Variants in EPB41 observed in about 807,000 individuals in gnomAD.
EPB41 encodes erythrocyte membrane protein band 4.1.
Under a neutral mutation model 108.0 loss-of-function variants are expected in EPB41, and 65 were observed. The observed-to-expected ratio is 0.60, with a 90% CI of 0.49 to 0.74. The LOEUF (loss-of-function observed/expected upper bound fraction) is 0.74, where lower values mean the gene tolerates loss of function less well. Ranked by LOEUF, EPB41 falls within the 30% of genes least tolerant of loss-of-function variation. The pLI is 0.00. For missense variants in EPB41, 875 were observed against 1,037.0 expected (o/e 0.84, Z 2.15); for synonymous variants, 336 against 358.9 (o/e 0.94, Z 0.72).
At chr1:29,109,208 A>C in intron 17 of EPB41, 128 bp from the exon 18 acceptor site, 1 of 749,890 alleles carries the variant, frequency 1.3e-6, no homozygotes, top group Non-Finnish European at 2.3e-6. Context: ...CAAAAAAAAA[A>C]AAAGAGGTCA....
At chr1:29,099,384 G>A (rs1008832983) in intron 17 of EPB41, among the ~76,000 whole-genome samples, 1 of 152,008 alleles carries the variant, frequency 6.6e-6, no homozygotes, top group Non-Finnish European at 1.5e-5. Context: ...AAGTGCAGGT[G>A]GCATGATCTT....
Position 29,053,204 on chromosome 1 carries a change from T to TA in EPB41, c.1744dup (p.Thr582AsnfsTer5), listed in dbSNP as rs2150754040. 5 of 1,614,016 alleles carry TA rather than the reference T, an allele frequency of 3.1e-6. No homozygotes were observed. Among genetic ancestry groups the TA allele is most frequent in the Admixed American group, 1.7e-5 (1 of 60,008 alleles). On this transcript the variant is annotated frameshift_variant, in exon 12 of 21. Transcript: ENST00000343067. LOFTEE classifies it high-confidence loss of function. ...AAGGTGGCGTCCTAGATGCCTCTGC[T>TA]AAAAAAACAGTGGTCCCTAAAGCAC...
At chr1:29,093,623 T>G (rs1236439333) in intron 16 of EPB41, among the ~76,000 whole-genome samples, 1 of 152,170 alleles carries the variant, frequency 6.6e-6, no homozygotes, top group Non-Finnish European at 1.5e-5. Flanking sequence ...TTGCCAGTTC[T>G]TAGCTGGGCA....
At chr1:29,084,776 C>T (rs1341002767) in intron 16 of EPB41, among the ~76,000 whole-genome samples, 1 of 152,126 alleles carries the variant, frequency 6.6e-6, no homozygotes, top group Non-Finnish European at 1.5e-5. Flanking sequence ...GATCTTGGTT[C>T]GGGAATATTT....
Position 29,001,174 on chromosome 1 carries a change from A to T in EPB41, c.786+3855A>T, listed in dbSNP as rs533358038. Among the ~76,000 whole-genome samples the T allele has an allele frequency of 2.0e-5, 3 of 152,232 alleles. No homozygotes were observed. In the South Asian group the frequency reaches 6.2e-4, roughly 32 times the overall value. On this transcript the variant is annotated intron_variant, in intron 4 of 20. Coordinates refer to ENST00000343067, the MANE Select transcript of EPB41 (RefSeq NM_001376013.1). ...GTGAAACCACATCTCTACTGAAAAT[A>T]CAAAAATTAGCCAGGCATGGTGGCA...
upstream of EPB41, among the ~76,000 whole-genome samples, chr1:28,910,724 G>A (rs1041734722): frequency 6.6e-6 from 1 of 152,118 alleles, no homozygotes; most frequent in Admixed American, 6.6e-5. Context: ...TGTGGGGAAG[G>A]ATTAAGACCC....
At chr1:29,095,801 A>G (rs1054714495) in intron 16 of EPB41, among the ~76,000 whole-genome samples, 1 of 152,076 alleles carries the variant, frequency 6.6e-6, no homozygotes, top group African/African-American at 2.4e-5. Context: ...ATTTTGATTG[A>G]TGCACAAATT....
chr1:29,108,392 C>T (rs375660731), intron 17 of EPB41, among the ~76,000 whole-genome samples: 12 of 151,846 alleles, frequency 7.9e-5, no homozygotes, highest in African/African-American at 2.4e-4. Context: ...AGGTGATCTG[C>T]CCCCCTCGGT....
At chr1:28,940,896 A>G (rs1172439517) in intron 1 of EPB41, among the ~76,000 whole-genome samples, 3 of 152,192 alleles carry the variant, frequency 2.0e-5, no homozygotes, top group African/African-American at 7.2e-5. Flanking sequence ...AAACGAAAGC[A>G]CTGACATTTA....
At chr1:28,960,021 A>T (rs2095136539) in intron 1 of EPB41, among the ~76,000 whole-genome samples, 1 of 131,722 alleles carries the variant, frequency 7.6e-6, no homozygotes. Context: ...TTTTTTTGAG[A>T]CAGGATCTCA....
intron 12 of EPB41, among the ~76,000 whole-genome samples, chr1:29,055,017 G>A (rs1645131067): frequency 6.6e-6 from 1 of 152,112 alleles, no homozygotes; most frequent in African/African-American, 2.4e-5. Context: ...CAGCCTGAGT[G>A]ACAGAGCAAG....
At chr1:28,896,692 G>A (rs1001888006) in intron 1 of EPB41, among the ~76,000 whole-genome samples, 2 of 152,232 alleles carry the variant, frequency 1.3e-5, no homozygotes, top group African/African-American at 2.4e-5. Flanking sequence ...AAGACAATGA[G>A]TGAGGACTTG....
At chr1:28,909,843 G>A (rs1198100007), upstream of EPB41, among the ~76,000 whole-genome samples, 1 of 151,932 alleles carries the variant, frequency 6.6e-6, no homozygotes, top group Admixed American at 6.6e-5. Flanking sequence ...GTATACATAA[G>A]GGTGGGTGTG....
At chr1:29,042,190 T>G (rs188225213) in intron 11 of EPB41, among the ~76,000 whole-genome samples, 1 of 152,304 alleles carries the variant, frequency 6.6e-6, no homozygotes, top group East Asian at 1.9e-4. Flanking sequence ...AAAAGATCAT[T>G]TTTACAATGT....
At chr1:29,013,111 G>T (rs1023512711) in intron 5 of EPB41, among the ~76,000 whole-genome samples, 5 of 151,988 alleles carry the variant, frequency 3.3e-5, no homozygotes, top group African/African-American at 9.7e-5. Context: ...ATATTTTTCA[G>T]TTAAAAAAAA....
At chr1:28,903,322 C>CTTTTTTTTTTTTTTTTTTTTTT (rs1469847584) in intron 1 of EPB41, among the ~76,000 whole-genome samples, 1 of 144,414 alleles carries the variant, frequency 6.9e-6, no homozygotes. Flanking sequence ...TTTTTCTTTT[C>CTTTTTTTTTTTTTTTTTTTTTT]TTTCTTTTTT....
chr1:29,100,411 A>G (rs573511080), intron 17 of EPB41, among the ~76,000 whole-genome samples: 3 of 147,008 alleles, frequency 2.0e-5, no homozygotes, highest in Non-Finnish European at 4.5e-5. Flanking sequence ...GCGGTTAGCC[A>G]AGATGGCGCC....
intron 1 of EPB41, among the ~76,000 whole-genome samples, chr1:28,890,257 C>T (rs767439807): frequency 1.3e-4 from 19 of 151,830 alleles, no homozygotes; most frequent in Admixed American, 5.9e-4. Flanking sequence ...AGGGTGGTCT[C>T]GAACTCCTGA....
chr1:28,988,222 T>C (rs1334260877), intron 2 of EPB41, among the ~76,000 whole-genome samples: 3 of 152,198 alleles, frequency 2.0e-5, no homozygotes, highest in Non-Finnish European at 2.9e-5. Context: ...ATCGTGCCAC[T>C]GCATTCCAGC....
Sources: gnomAD v4.1 joint callset for allele counts (sites outside exome capture counted in the v4.1 genomes callset) on GRCh38, gnomAD v4.1.1 for gene constraint, MANE v1.5 for transcripts, NCBI Gene and HGNC (gene_info 2026-07-23, HGNC 2026-07-21) for gene names.